The following GALNTL6 variants were observed in gnomAD, a reference collection of about 807,000 sequenced individuals.
The protein encoded by GALNTL6 is polypeptide N-acetylgalactosaminyltransferase like 6, also known as polypeptide N-acetylgalactosaminyltransferase-like 6.
GALNTL6 carries 46 observed loss-of-function variants against 73.7 expected under a neutral mutation model. The ratio of observed to expected loss-of-function variants is 0.62; its 90% confidence interval spans 0.49 to 0.80. GALNTL6 has a LOEUF of 0.80. Ranked by LOEUF, GALNTL6 falls within the 30% of genes least tolerant of loss-of-function variation. The probability of loss-of-function intolerance (pLI) is 0.00; values close to 1 mark genes in which losing one functional copy is unlikely to be tolerated. For synonymous variants in GALNTL6, 259 were observed against 263.7 expected (o/e 0.98, Z 0.17); for missense variants, 604 against 755.0 (o/e 0.80, Z 2.34).
intron 8 of GALNTL6, among the ~76,000 whole-genome samples, chr4:172,897,036 C>T (rs923899875): frequency 6.6e-6 from 1 of 152,170 alleles, no homozygotes; most frequent in Non-Finnish European, 1.5e-5. Context: ...TTCTGTGTGA[C>T]AGAGGCTAGA....
intron 5 of GALNTL6, among the ~76,000 whole-genome samples, chr4:172,641,205 C>T (rs1452101440): frequency 5.9e-5 from 9 of 152,088 alleles, no homozygotes; most frequent in African/African-American, 1.9e-4. Context: ...CCAGGTCTTC[C>T]TCTTGCTTCT....
At chr4:173,004,574 C>T (rs144976119) in intron 10 of GALNTL6, among the ~76,000 whole-genome samples, 1,954 of 152,124 alleles carry the variant, frequency 0.013, 37 homozygotes, top group African/African-American at 0.045. Flanking sequence ...TGCAGTGAGC[C>T]GAGATTGAGC....
At chr4:172,382,033 G>A (rs527715861) in intron 5 of GALNTL6, among the ~76,000 whole-genome samples, 3 of 152,256 alleles carry the variant, frequency 2.0e-5, no homozygotes, top group African/African-American at 7.2e-5. Context: ...GCAATGGCAC[G>A]ATCTTGGCTC....
At chr4:172,724,848 CA>C (rs1735703199) in intron 5 of GALNTL6, among the ~76,000 whole-genome samples, 1 of 152,056 alleles carries the variant, frequency 6.6e-6, no homozygotes, top group South Asian at 2.1e-4. Flanking sequence ...ATTCAAGAAT[CA>C]AAATGTGAAA....
intron 2 of GALNTL6, among the ~76,000 whole-genome samples, chr4:171,943,880 A>G (rs1440477755): frequency 6.6e-6 from 1 of 150,772 alleles, no homozygotes. Flanking sequence ...TGACAATGCT[A>G]TAGTTAAGAG....
chr4:172,097,720 C>G (rs749250280), intron 2 of GALNTL6, among the ~76,000 whole-genome samples: 7 of 152,168 alleles, frequency 4.6e-5, no homozygotes, highest in Non-Finnish European at 7.3e-5. Flanking sequence ...TACCTTCACT[C>G]TTATTAAGAA....
At chr4:172,785,401 A>AATG (rs1188335926) in intron 5 of GALNTL6, among the ~76,000 whole-genome samples, 18 of 152,172 alleles carry the variant, frequency 1.2e-4, no homozygotes, top group African/African-American at 4.3e-4. Context: ...AAAGGAAGAT[A>AATG]ATGATTTTCT....
intron 2 of GALNTL6, among the ~76,000 whole-genome samples, chr4:171,915,977 A>T (rs1245984117): frequency 2.0e-5 from 3 of 152,154 alleles, no homozygotes; most frequent in Non-Finnish European, 2.9e-5. Context: ...AAGGAAATGA[A>T]GATTTTCTTC....
intron 2 of GALNTL6, among the ~76,000 whole-genome samples, chr4:171,896,495 A>C (rs1255669311): frequency 6.6e-6 from 1 of 152,202 alleles, no homozygotes; most frequent in Non-Finnish European, 1.5e-5. Flanking sequence ...AAATGACAAC[A>C]ATTTATTTCT....
chr4:172,864,196 A>C (rs1676107892), intron 7 of GALNTL6, among the ~76,000 whole-genome samples: 1 of 152,186 alleles, frequency 6.6e-6, no homozygotes, highest in Non-Finnish European at 1.5e-5. Context: ...AGAACAGACT[A>C]ATACACCTAC....
At chr4:172,366,774 T>TAGAA (rs770103008) in intron 5 of GALNTL6, among the ~76,000 whole-genome samples, 49 of 152,304 alleles carry the variant, frequency 3.2e-4, no homozygotes, top group Non-Finnish European at 6.3e-4. Flanking sequence ...TACACTCAGA[T>TAGAA]ATCACTGAGT....
intron 2 of GALNTL6, among the ~76,000 whole-genome samples, chr4:172,024,598 G>C (rs1375115293): frequency 6.6e-6 from 1 of 151,800 alleles, no homozygotes; most frequent in African/African-American, 2.4e-5. Flanking sequence ...GGTTTATGTA[G>C]ATTTTAATCA....
chr4:172,008,319 T>G (rs1740898367), intron 2 of GALNTL6, among the ~76,000 whole-genome samples: 1 of 152,180 alleles, frequency 6.6e-6, no homozygotes, highest in East Asian at 1.9e-4. Context: ...TGCATGAGTG[T>G]GCAGCAGCTT....
chr4:171,955,738 G>T (rs1318000353), intron 2 of GALNTL6, among the ~76,000 whole-genome samples: 2 of 149,750 alleles, frequency 1.3e-5, no homozygotes, highest in Non-Finnish European at 3.0e-5. Context: ...GCAGAACTCA[G>T]ATCTACAAAA....
intron 5 of GALNTL6, among the ~76,000 whole-genome samples, chr4:172,390,264 G>C (rs1743614736): frequency 6.6e-6 from 1 of 151,878 alleles, no homozygotes; most frequent in Non-Finnish European, 1.5e-5. Flanking sequence ...CATACTCTTG[G>C]GTTACCATGG....
At chr4:172,314,506 A>G (rs1740472776) in intron 4 of GALNTL6, among the ~76,000 whole-genome samples, 1 of 151,914 alleles carries the variant, frequency 6.6e-6, no homozygotes, top group Non-Finnish European at 1.5e-5. Flanking sequence ...GTTAAAAAAA[A>G]TCATGGTTTT....
intron 9 of GALNTL6, among the ~76,000 whole-genome samples, chr4:172,944,001 A>G: frequency 6.6e-6 from 1 of 152,354 alleles, no homozygotes; most frequent in Middle Eastern, 3.4e-3. Flanking sequence ...TACAAAATCA[A>G]TCATAGACTT....
intron 2 of GALNTL6, among the ~76,000 whole-genome samples, chr4:171,891,279 TC>T (rs1736753534): frequency 6.6e-6 from 1 of 152,160 alleles, no homozygotes; most frequent in Non-Finnish European, 1.5e-5. Context: ...GAGGCACATA[TC>T]TAGGGTAACC....
chr4:172,458,799 G>T (rs368770083), intron 5 of GALNTL6, among the ~76,000 whole-genome samples: 1 of 152,160 alleles, frequency 6.6e-6, no homozygotes, highest in Non-Finnish European at 1.5e-5. Context: ...AGAGGAGCTG[G>T]TGCCATTCCT....
Sources: gnomAD v4.1 joint callset for allele counts (sites outside exome capture counted in the v4.1 genomes callset) on GRCh38, gnomAD v4.1.1 for gene constraint, MANE v1.5 for transcripts, NCBI Gene and HGNC (gene_info 2026-07-23, HGNC 2026-07-21) for gene names.